Variants in FBXL18 observed in about 807,000 individuals in gnomAD.
FBXL18 encodes the protein F-box and leucine rich repeat protein 18.
In FBXL18, 36 loss-of-function variants were observed where a neutral mutation model predicts 46.0. The ratio of observed to expected loss-of-function variants is 0.78; its 90% confidence interval spans 0.60 to 1.03. The LOEUF (loss-of-function observed/expected upper bound fraction) is 1.03, where lower values mean the gene tolerates loss of function less well. Among genes scored for constraint, FBXL18 ranks in the 50% least tolerant of loss-of-function variants. The pLI is 0.00. For synonymous variants in FBXL18, 557 were observed against 465.3 expected, an observed-to-expected ratio of 1.20 and a Z score of -2.54; for missense variants, 977 against 1,004.1, an observed-to-expected ratio of 0.97 and a Z score of 0.36.
intron 3 of FBXL18, among the ~76,000 whole-genome samples, chr7:5,494,417 G>C (rs769024264): frequency 3.3e-5 from 5 of 152,082 alleles, no homozygotes; most frequent in Admixed American, 6.6e-5. Flanking sequence ...AGGTGACAGA[G>C]CGAGACTCTG....
At chr7:5,489,436 A>G in intron 4 of FBXL18, 2 of 444,608 alleles carry the variant, frequency 4.5e-6, no homozygotes, top group South Asian at 3.4e-5. Flanking sequence ...GGAGTTAGAG[A>G]CCAGCCTGGG....
At chr7:5,508,238 C>G (rs911273930) in intron 1 of FBXL18, among the ~76,000 whole-genome samples, 1 of 151,066 alleles carries the variant, frequency 6.6e-6, no homozygotes, top group African/African-American at 2.4e-5. Context: ...TGCACTCCAG[C>G]CTGGTGACAG....
At chr7:5,493,680 C>T (rs1045698696) in intron 3 of FBXL18, among the ~76,000 whole-genome samples, 1 of 135,262 alleles carries the variant, frequency 7.4e-6, no homozygotes, top group Non-Finnish European at 1.6e-5. Flanking sequence ...TGCGTGCGTG[C>T]GTGCGTGTGT....
At chr7:5,463,743 T>TTTTTTTA (rs1783299163) in intron 4 of FBXL18, among the ~76,000 whole-genome samples, 1 of 47,070 alleles carries the variant, frequency 2.1e-5, no homozygotes, top group South Asian at 6.6e-4. Context: ...TTTTTTTTTT[T>TTTTTTTA]TTTTTTTTTT....
intron 1 of FBXL18, among the ~76,000 whole-genome samples, chr7:5,507,529 A>G (rs79651165): frequency 0.017 from 2,548 of 152,204 alleles, 81 homozygotes; most frequent in African/African-American, 0.058. Context: ...CTTCCCTCCT[A>G]ATATTTTAAT....
chr7:5,487,012 G>C (rs1166741366), intron 4 of FBXL18, among the ~76,000 whole-genome samples: 1 of 152,280 alleles, frequency 6.6e-6, no homozygotes, highest in Non-Finnish European at 1.5e-5. Context: ...TCCGCGCCCA[G>C]GGCGCAAAGC....
intron 1 of FBXL18, among the ~76,000 whole-genome samples, chr7:5,507,297 T>C (rs1310616265): frequency 6.6e-6 from 1 of 152,162 alleles, no homozygotes; most frequent in Non-Finnish European, 1.5e-5. Flanking sequence ...CTGGGAACTC[T>C]GACTGCGACA....
intron 1 of FBXL18, among the ~76,000 whole-genome samples, chr7:5,508,196 G>A (rs1189318603): frequency 2.0e-5 from 3 of 151,848 alleles, no homozygotes; most frequent in Admixed American, 6.6e-5. Context: ...AAACCGGGAT[G>A]TGGAGGTTGC....
At chr7:5,494,305 G>A (rs985011790) in intron 3 of FBXL18, among the ~76,000 whole-genome samples, 7 of 151,958 alleles carry the variant, frequency 4.6e-5, no homozygotes, top group South Asian at 2.1e-4. Flanking sequence ...TGGGCGTGGC[G>A]GGGCATGCCC....
chr7:5,493,060 C>A (rs953652460), intron 3 of FBXL18, among the ~76,000 whole-genome samples: 1 of 152,148 alleles, frequency 6.6e-6, no homozygotes, highest in African/African-American at 2.4e-5. Flanking sequence ...TCACGGCGGG[C>A]ATGGTGGCTC....
rs1382143698 is a variant in FBXL18 at position 5,513,642 on chromosome 7, A to C, written c.18+15T>G. On this transcript the variant is annotated intron_variant, in intron 1 of 4. Transcript: ENST00000382368. ...GCCGAGGCAGAAGCAGAGCGGAGAC[A>C]GTCGCGGACAGTACCTCTCCGGAGC... is the stretch of plus-strand genomic sequence containing the variant. 6.2e-7 allele frequency: 1 copy of C among 1,612,066 alleles called. No homozygotes were observed. The highest frequency in any genetic ancestry group is 8.5e-7 in the Non-Finnish European group (1 of 1,179,108).
intron 4 of FBXL18, among the ~76,000 whole-genome samples, chr7:5,468,361 C>T (rs1383634142): frequency 6.6e-6 from 1 of 152,188 alleles, no homozygotes; most frequent in East Asian, 1.9e-4. Context: ...TCATGATCTG[C>T]CCGCCTTGGC....
At position 5,501,433 on chromosome 7, in the gene FBXL18, G is replaced by GT; in HGVS notation, c.835dup (p.Thr279AsnfsTer149). On this transcript the variant is annotated frameshift_variant, in exon 3 of 5. Coordinates refer to ENST00000382368, the MANE Select transcript of FBXL18 (RefSeq NM_024963.6). LOFTEE classifies it high-confidence loss of function. ...CGCCATGGAGTCCAGGAGGTTCTTG[G>GT]TGGCGCCGCTCTCCGCGAAGCTGCC... 3 of 1,613,438 alleles carry GT rather than the reference G, an allele frequency of 1.9e-6. No homozygotes were observed. Among genetic ancestry groups the GT allele is most frequent in the Non-Finnish European group, 2.5e-6 (3 of 1,180,022 alleles).
At chr7:5,463,721 TTTA>T (rs1783293837) in intron 4 of FBXL18, among the ~76,000 whole-genome samples, 6 of 69,934 alleles carry the variant, frequency 8.6e-5, no homozygotes, top group African/African-American at 3.4e-4. Context: ...TATTTATTTA[TTTA>T]TTTATTTTTT....
chr7:5,471,592 A>G (rs1048303987), downstream of FBXL18, among the ~76,000 whole-genome samples: 3 of 151,784 alleles, frequency 2.0e-5, no homozygotes, highest in Non-Finnish European at 2.9e-5. Flanking sequence ...TTGTATTTTT[A>G]GTAGAGACGG....
chr7:5,492,413 G>A lies in FBXL18; in HGVS notation c.1782-964C>T, dbSNP rs182157330. ...CCCCTGAGATAAGAATCAAGAGGGA[G>A]CAGAGAGGCTGGAGGGGAACTCACG... On this transcript the variant is annotated intron_variant, in intron 3 of 4. Transcript: ENST00000382368. 3.9e-3 allele frequency among the ~76,000 whole-genome samples: 591 copies of A among 151,646 alleles called. 3 individuals carry two copies. Among genetic ancestry groups the A allele is most frequent in the African/African-American group, 0.014 (561 of 41,320 alleles).
intron 4 of FBXL18, among the ~76,000 whole-genome samples, chr7:5,487,685 A>G (rs142654851): frequency 6.6e-6 from 1 of 152,354 alleles, no homozygotes; most frequent in Non-Finnish European, 1.5e-5. Flanking sequence ...GGCAAGATGC[A>G]GTGCCTGGAG....
rs569565298 is a variant in FBXL18, at chr7:5,477,327, G to A, written c.*4448C>T. ...CTGCCCACGTCCACAGGAAGTGGCCGACGTCTCCTCTGCCTTTGGTTTAGT... is the reference window on the plus strand; with the variant it reads ...CTGCCCACGTCCACAGGAAGTGGCCAACGTCTCCTCTGCCTTTGGTTTAGT... On this transcript the variant is annotated 3_prime_UTR_variant, in exon 5 of 5. Coordinates refer to ENST00000382368, the MANE Select transcript of FBXL18 (RefSeq NM_024963.6). The surrounding 1 kb of genome is among the most constrained non-coding windows in gnomAD (Gnocchi z 4.4). Among the ~76,000 whole-genome samples, 5 of 152,264 alleles carry A rather than the reference G, an allele frequency of 3.3e-5. No individual in the cohort carries two copies. Among genetic ancestry groups the A allele is most frequent in the African/African-American group, 7.2e-5 (3 of 41,532 alleles).
intron 4 of FBXL18, among the ~76,000 whole-genome samples, chr7:5,468,083 A>C (rs1484042647): frequency 3.9e-5 from 6 of 151,914 alleles, no homozygotes; most frequent in African/African-American, 9.7e-5. Flanking sequence ...CCCGGGTTCA[A>C]GCAATTCTCC....
Sources: allele counts gnomAD v4.1 joint callset (sites outside exome capture counted in the v4.1 genomes callset), GRCh38; gene constraint gnomAD v4.1.1; non-coding constraint Gnocchi (gnomAD v3.1); transcripts MANE v1.5; gene names NCBI Gene and HGNC (gene_info 2026-07-23, HGNC 2026-07-21).